The following GMDS variants were observed in gnomAD, a reference collection of about 807,000 sequenced individuals.
GMDS encodes GDP-mannose 4,6-dehydratase.
A neutral mutation model predicts 49.9 loss-of-function variants in GMDS; 20 were observed. That is an observed-to-expected ratio of 0.40 (90% CI 0.28 to 0.58). The LOEUF is 0.58. Among genes scored for constraint, GMDS ranks in the 20% least tolerant of loss-of-function variants. The pLI is 0.42. For synonymous variants in GMDS, 177 were observed against 178.6 expected (o/e 0.99, Z 0.07); for missense variants, 362 against 481.4 (o/e 0.75, Z 2.32).
intron 9 of GMDS, among the ~76,000 whole-genome samples, chr6:1,650,637 G>A (rs1301924487): frequency 2.0e-5 from 3 of 152,184 alleles, no homozygotes; most frequent in African/African-American, 4.8e-5. Context: ...GTATAGTGGT[G>A]TGATCTCAGC....
intron 9 of GMDS, among the ~76,000 whole-genome samples, chr6:1,674,325 G>A (rs1012634858): frequency 2.0e-5 from 3 of 151,986 alleles, no homozygotes; most frequent in Admixed American, 1.3e-4. Flanking sequence ...ATCTTCTTTG[G>A]TGAGGTGTCT....
At chr6:2,044,948 C>T (rs1482479288) in intron 4 of GMDS, among the ~76,000 whole-genome samples, 1 of 151,906 alleles carries the variant, frequency 6.6e-6, no homozygotes, top group African/African-American at 2.4e-5. Flanking sequence ...GGAACTATCT[C>T]ACCTTTTTCA....
At chr6:1,801,494 T>A (rs1014720322) in intron 7 of GMDS, among the ~76,000 whole-genome samples, 1 of 152,256 alleles carries the variant, frequency 6.6e-6, no homozygotes, top group Non-Finnish European at 1.5e-5. Context: ...TGTATAAAGC[T>A]GTCCAGCTGG....
At chr6:2,046,826 A>G (rs1289950111) in intron 4 of GMDS, among the ~76,000 whole-genome samples, 1 of 152,196 alleles carries the variant, frequency 6.6e-6, no homozygotes, top group Non-Finnish European at 1.5e-5. Context: ...TTACTTGAAT[A>G]AAGTAACATT....
intron 9 of GMDS, among the ~76,000 whole-genome samples, chr6:1,688,572 T>C (rs749168199): frequency 2.7e-4 from 41 of 152,248 alleles, no homozygotes; most frequent in Non-Finnish European, 5.0e-4. Context: ...TATTTAGCTA[T>C]TGAGTCACAA....
Position 1,726,671 on chromosome 6 carries a change from G to A in GMDS, c.891-159C>T, listed in dbSNP as rs572798386. Reference sequence around the variant, plus strand: ...TGCTCCAGCTGATTATTAAAGCAACGGCGACTTTCAAAGCCTTTCTAGATC... The same window carrying A: ...TGCTCCAGCTGATTATTAAAGCAACAGCGACTTTCAAAGCCTTTCTAGATC... On this transcript the variant is annotated intron_variant, in intron 8 of 10. Coordinates refer to ENST00000380815, the MANE Select transcript of GMDS (RefSeq NM_001500.4). Among the ~76,000 whole-genome samples, 6 of 152,290 alleles carry A rather than the reference G, an allele frequency of 3.9e-5. No homozygotes were observed. In the South Asian group the frequency reaches 8.3e-4, roughly 21 times the overall value.
intron 7 of GMDS, among the ~76,000 whole-genome samples, chr6:1,867,106 A>AT (rs1161413285): frequency 6.6e-6 from 1 of 152,222 alleles, no homozygotes; most frequent in African/African-American, 2.4e-5. Context: ...GACTCATTGT[A>AT]TTCCACTCTG....
chr6:1,999,319 T>TTAA (rs1561960517), intron 4 of GMDS, among the ~76,000 whole-genome samples: 1 of 105,588 alleles, frequency 9.5e-6, no homozygotes, highest in Non-Finnish European at 2.1e-5. Flanking sequence ...AGACTCTGTC[T>TTAA]CAAAAAAAAA....
intron 4 of GMDS, among the ~76,000 whole-genome samples, chr6:1,986,874 C>T (rs1233609574): frequency 6.6e-6 from 1 of 152,100 alleles, no homozygotes; most frequent in African/African-American, 2.4e-5. Context: ...AGTAAGGGGG[C>T]TGGGTAGGGA....
chr6:1,933,369 A>C, intron 6 of GMDS, among the ~76,000 whole-genome samples: 1 of 152,110 alleles, frequency 6.6e-6, no homozygotes, highest in East Asian at 1.9e-4. Flanking sequence ...CGTATGCTTT[A>C]ATTTCTTTTA....
chr6:2,001,019 C>T (rs1002490252), intron 4 of GMDS, among the ~76,000 whole-genome samples: 6 of 152,250 alleles, frequency 3.9e-5, no homozygotes, highest in Middle Eastern at 3.4e-3. Context: ...AGTAGAATTG[C>T]TAGATCATCA....
At chr6:2,162,392 C>T (rs11758876) in intron 1 of GMDS, among the ~76,000 whole-genome samples, 157 of 152,254 alleles carry the variant, frequency 1.0e-3, no homozygotes, top group Non-Finnish European at 1.9e-3. Flanking sequence ...CTAATTAAGA[C>T]TGTGGCTTTC....
At chr6:1,834,947 A>G (rs1014205459) in intron 7 of GMDS, among the ~76,000 whole-genome samples, 2 of 152,198 alleles carry the variant, frequency 1.3e-5, no homozygotes, top group African/African-American at 4.8e-5. Context: ...AGGGCATTTC[A>G]GTTTCACGGA....
At chr6:1,920,069 G>A (rs573327134) in intron 7 of GMDS, among the ~76,000 whole-genome samples, 1 of 152,226 alleles carries the variant, frequency 6.6e-6, no homozygotes, top group African/African-American at 2.4e-5. Flanking sequence ...TCCTTCCCAC[G>A]GAATAAGCAG....
intron 7 of GMDS, among the ~76,000 whole-genome samples, chr6:1,905,274 G>C (rs1261573806): frequency 1.3e-5 from 2 of 152,282 alleles, no homozygotes; most frequent in Admixed American, 6.5e-5. Flanking sequence ...GGCCTCAAAG[G>C]TGCCTGTGCA....
At chr6:1,730,512 C>T (rs772182293) in intron 8 of GMDS, among the ~76,000 whole-genome samples, 1 of 152,144 alleles carries the variant, frequency 6.6e-6, no homozygotes, top group African/African-American at 2.4e-5. Flanking sequence ...ATTCCCTCCC[C>T]GACACTCACT....
At chr6:1,819,590 G>A (rs1770802283) in intron 7 of GMDS, among the ~76,000 whole-genome samples, 2 of 151,706 alleles carry the variant, frequency 1.3e-5, no homozygotes, top group Non-Finnish European at 2.9e-5. Flanking sequence ...GTGAAACCCT[G>A]TCTCTACTAA....
intron 7 of GMDS, among the ~76,000 whole-genome samples, chr6:1,852,994 G>C (rs1199389904): frequency 6.6e-6 from 1 of 151,952 alleles, no homozygotes; most frequent in East Asian, 2.0e-4. Context: ...GAGCCACCGC[G>C]CCTGCCTGGG....
intron 2 of GMDS, among the ~76,000 whole-genome samples, chr6:2,119,042 T>C (rs1375744546): frequency 1.3e-5 from 2 of 152,146 alleles, no homozygotes; most frequent in Non-Finnish European, 2.9e-5. Flanking sequence ...ACTTATGAAA[T>C]AGATTTCTCA....
Sources: allele counts gnomAD v4.1 joint callset (sites outside exome capture counted in the v4.1 genomes callset), GRCh38; gene constraint gnomAD v4.1.1; transcripts MANE v1.5; gene names NCBI Gene and HGNC (gene_info 2026-07-23, HGNC 2026-07-21).